KCND2: variants seen among roughly 807,000 people sequenced by gnomAD.
The protein encoded by KCND2 is potassium voltage-gated channel subfamily D member 2, also known as A-type voltage-gated potassium channel KCND2.
A neutral mutation model predicts 54.4 loss-of-function variants in KCND2; 16 were observed. The observed-to-expected ratio is 0.29, with a 90% confidence interval of 0.20 to 0.45. The LOEUF (loss-of-function observed/expected upper bound fraction) is 0.45. Among genes scored for constraint, KCND2 ranks in the 20% least tolerant of loss-of-function variants. The probability of loss-of-function intolerance (pLI) is 1.00; values close to 1 mark genes in which losing one functional copy is unlikely to be tolerated. For synonymous variants in KCND2, 317 were observed against 310.7 expected (o/e 1.02, Z -0.21); for missense variants, 486 against 824.2 (o/e 0.59, Z 5.02).
chr7:120,620,855 G>A (rs545967841), intron 1 of KCND2, among the ~76,000 whole-genome samples: 4 of 152,270 alleles, frequency 2.6e-5, no homozygotes, highest in East Asian at 1.9e-4. Context: ...AGCCACTGGT[G>A]TAATAAATAG....
chr7:120,651,184 C>G, intron 1 of KCND2, among the ~76,000 whole-genome samples: 1 of 143,378 alleles, frequency 7.0e-6, no homozygotes, highest in Non-Finnish European at 1.5e-5. Flanking sequence ...TTTCTGCTGC[C>G]TTTTGTTCAG....
At chr7:120,568,877 G>A (rs1020180219) in intron 1 of KCND2, among the ~76,000 whole-genome samples, 14 of 152,074 alleles carry the variant, frequency 9.2e-5, no homozygotes, top group Admixed American at 6.6e-4. Context: ...TATTTCATAA[G>A]GGCAGGGGCA....
chr7:120,581,511 A>G (rs1346573368), intron 1 of KCND2, among the ~76,000 whole-genome samples: 1 of 152,224 alleles, frequency 6.6e-6, no homozygotes, highest in African/African-American at 2.4e-5. Context: ...TTAGATAGTA[A>G]AAGAGGGATA....
At chr7:120,704,592 T>C (rs558330271) in intron 1 of KCND2, among the ~76,000 whole-genome samples, 40 of 152,294 alleles carry the variant, frequency 2.6e-4, no homozygotes, top group African/African-American at 8.9e-4. Context: ...CAAGCTATAA[T>C]CATTTGCAGA....
intron 1 of KCND2, among the ~76,000 whole-genome samples, chr7:120,464,854 G>A (rs539491507): frequency 3.9e-5 from 6 of 152,186 alleles, no homozygotes; most frequent in South Asian, 2.1e-4. Flanking sequence ...TGGAGCCCCC[G>A]TGTTTCAAAT....
chr7:120,732,322 T>A (rs1196827530), intron 1 of KCND2, among the ~76,000 whole-genome samples: 2 of 152,164 alleles, frequency 1.3e-5, no homozygotes, highest in Non-Finnish European at 2.9e-5. Context: ...AAAAGGAGTC[T>A]TTCAAGGAGA....
intron 5 of KCND2, among the ~76,000 whole-genome samples, chr7:120,746,584 A>G (rs979945361): frequency 6.6e-6 from 1 of 152,174 alleles, no homozygotes; most frequent in African/African-American, 2.4e-5. Context: ...TGAAGTACTA[A>G]AATTGTTTGC....
At chr7:120,611,543 G>T (rs1792955152) in intron 1 of KCND2, among the ~76,000 whole-genome samples, 1 of 152,134 alleles carries the variant, frequency 6.6e-6, no homozygotes, top group African/African-American at 2.4e-5. Context: ...CAAAGTGGGA[G>T]TGAAGAAAAT....
intron 1 of KCND2, among the ~76,000 whole-genome samples, chr7:120,408,312 C>T (rs966934907): frequency 6.6e-6 from 1 of 151,820 alleles, no homozygotes; most frequent in East Asian, 1.9e-4. Flanking sequence ...GTTGTCCTTT[C>T]AAGTTTGAGG....
chr7:120,498,316 C>T (rs554760507), intron 1 of KCND2, among the ~76,000 whole-genome samples: 14 of 152,176 alleles, frequency 9.2e-5, no homozygotes, highest in Middle Eastern at 6.8e-3. Context: ...CCCGTGTCTA[C>T]TAAAAATATG....
intron 1 of KCND2, among the ~76,000 whole-genome samples, chr7:120,366,485 TAAAA>T (rs550268149): frequency 1.1e-5 from 1 of 87,154 alleles, no homozygotes. Flanking sequence ...AAGACTCCAT[TAAAA>T]AAAAAAAAAA....
intron 1 of KCND2, among the ~76,000 whole-genome samples, chr7:120,334,189 G>C (rs563038423): frequency 6.6e-6 from 1 of 152,234 alleles, no homozygotes; most frequent in African/African-American, 2.4e-5. Flanking sequence ...ACATTAAGAG[G>C]AGTAAAATAG....
In KCND2 at chr7:120,453,490, C is replaced by G. The variant is rs149295442; in HGVS notation, c.1115+177743C>G. 7.6e-4 allele frequency among the ~76,000 whole-genome samples: 116 copies of G among 152,302 alleles called. 3 individuals are homozygous for G. The East Asian group carries it at 0.014, about 19-fold the overall frequency. On this transcript the variant is annotated intron_variant, in intron 1 of 5. Coordinates refer to ENST00000331113, the MANE Select transcript of KCND2 (RefSeq NM_012281.3). ...CCCACCCAATCCTGCACTGCCACTG[C>G]CACCATTGCGAATGTGCATACAATC...
chr7:120,482,034 A>G (rs1802614436), intron 1 of KCND2, among the ~76,000 whole-genome samples: 2 of 152,192 alleles, frequency 1.3e-5, no homozygotes. Context: ...GCTGCTGGAT[A>G]GACTGAGTCC....
At chr7:120,562,503 C>T (rs540105364) in intron 1 of KCND2, among the ~76,000 whole-genome samples, 1 of 151,984 alleles carries the variant, frequency 6.6e-6, no homozygotes, top group Non-Finnish European at 1.5e-5. Context: ...ACAAGATGAC[C>T]TCCTTTGAAG....
chr7:120,739,569 C>T (rs1792914294), intron 2 of KCND2, among the ~76,000 whole-genome samples: 1 of 151,880 alleles, frequency 6.6e-6, no homozygotes, highest in Non-Finnish European at 1.5e-5. Flanking sequence ...CTAATTTTCT[C>T]ATCATTTATA....
At chr7:120,625,531 T>C (rs1376753417) in intron 1 of KCND2, among the ~76,000 whole-genome samples, 1 of 152,190 alleles carries the variant, frequency 6.6e-6, no homozygotes, top group Non-Finnish European at 1.5e-5. Context: ...AAATCTGAGA[T>C]AGAGTAATTC....
intron 1 of KCND2, among the ~76,000 whole-genome samples, chr7:120,475,545 G>A (rs969288364): frequency 3.3e-5 from 5 of 152,068 alleles, no homozygotes; most frequent in Admixed American, 2.6e-4. Context: ...TTGGTATAAA[G>A]CAAGGTTGCT....
At chr7:120,699,991 G>T (rs1487914427) in intron 1 of KCND2, among the ~76,000 whole-genome samples, 1 of 152,154 alleles carries the variant, frequency 6.6e-6, no homozygotes, top group Non-Finnish European at 1.5e-5. Flanking sequence ...AAGTAGTTAA[G>T]AATAGGGTGT....
Sources: allele counts gnomAD v4.1 joint callset (sites outside exome capture counted in the v4.1 genomes callset), GRCh38; gene constraint gnomAD v4.1.1; transcripts MANE v1.5; gene names NCBI Gene and HGNC (gene_info 2026-07-23, HGNC 2026-07-21).